SYNE2: variants seen among roughly 807,000 people sequenced by gnomAD.
The protein encoded by SYNE2 is nesprin-2.
SYNE2 carries 431 observed loss-of-function variants against 856.3 expected under a neutral mutation model. The observed-to-expected ratio is 0.50, with a 90% confidence interval of 0.47 to 0.55. SYNE2 has a LOEUF of 0.55. Among genes scored for constraint, SYNE2 ranks in the 20% least tolerant of loss-of-function variants. SYNE2 has a pLI of 0.00. For synonymous variants in SYNE2, 2,923 were observed against 2,872.3 expected (o/e 1.02, Z -0.56); for missense variants, 8,129 against 8,023.2 (o/e 1.01, Z -0.50).
intron 90 of SYNE2, among the ~76,000 whole-genome samples, chr14:64,165,654 A>G (rs2098372512): frequency 6.6e-6 from 1 of 152,130 alleles, no homozygotes; most frequent in Non-Finnish European, 1.5e-5. Flanking sequence ...CTGGGACTAC[A>G]GACATGTGCC....
intron 94 of SYNE2, among the ~76,000 whole-genome samples, chr14:64,174,167 G>A (rs1013353776): frequency 6.6e-6 from 1 of 151,786 alleles, no homozygotes; most frequent in African/African-American, 2.4e-5. Flanking sequence ...TGCCTCCCAG[G>A]TTAAAGTGAT....
chr14:64,095,655 C>T (rs1595483859), intron 61 of SYNE2, among the ~76,000 whole-genome samples: 1 of 152,122 alleles, frequency 6.6e-6, no homozygotes, highest in African/African-American at 2.4e-5. Context: ...CAGCTTACAA[C>T]TCAAACAGTA....
intron 7 of SYNE2, among the ~76,000 whole-genome samples, chr14:63,953,535 GAGAGAGAGAGATAGATAGAT>G (rs1400679953): frequency 3.8e-5 from 1 of 26,420 alleles, no homozygotes; most frequent in East Asian, 1.3e-3. Context: ...GATAGATAGA[GAGAGAGAGAGATAGATAGAT>G]AGATAGATAG....
At chr14:64,014,843 T>A (rs184969153) in intron 32 of SYNE2, among the ~76,000 whole-genome samples, 1 of 150,272 alleles carries the variant, frequency 6.7e-6, no homozygotes, top group Non-Finnish European at 1.5e-5. Flanking sequence ...CTTGTTAAAA[T>A]GGTGGGTTAC....
At chr14:64,164,942 C>T (rs2098364205) in intron 89 of SYNE2, among the ~76,000 whole-genome samples, 1 of 151,948 alleles carries the variant, frequency 6.6e-6, no homozygotes, top group Admixed American at 6.6e-5. Context: ...GGCTGGCGTG[C>T]AGTGGCATAA....
intron 1 of SYNE2, among the ~76,000 whole-genome samples, chr14:63,827,215 T>C (rs1336821253): frequency 6.6e-6 from 1 of 151,034 alleles, no homozygotes; most frequent in Non-Finnish European, 1.5e-5. Flanking sequence ...GAGGCAGAGG[T>C]TGCAGTGAGC....
intron 83 of SYNE2, 128 bp from the exon 84 acceptor site, chr14:64,145,940 A>C (rs1357097079): frequency 1.7e-6 from 1 of 604,914 alleles, no homozygotes; most frequent in African/African-American, 1.9e-5. Context: ...AAGTTATCAG[A>C]GCATCTTATT....
intron 84 of SYNE2, among the ~76,000 whole-genome samples, chr14:64,151,263 A>G: frequency 6.6e-6 from 1 of 151,852 alleles, no homozygotes. Flanking sequence ...GTAATCTGGC[A>G]GTTTTGCGGG....
At chr14:64,142,438 C>T (rs551563453) in intron 82 of SYNE2, among the ~76,000 whole-genome samples, 2 of 152,248 alleles carry the variant, frequency 1.3e-5, no homozygotes, top group East Asian at 3.9e-4. Context: ...ATCCTGTGTA[C>T]ATGCTGCACC....
At position 64,211,886 on chromosome 14, in the gene SYNE2, G is replaced by A. The variant is rs561876458; in HGVS notation, c.18724-75G>A. 232 of 1,607,370 alleles carry A rather than the reference G, an allele frequency of 1.4e-4. 2 individuals carry two copies. In the South Asian group the frequency reaches 2.4e-3, roughly 17 times the overall value. The stretch of plus-strand genomic sequence containing the variant: ...TTCTGGGTACCCTTTTCTTGTGGCC[G>A]AAGGTGGCCTTGCTGTCTGTCTGAA... On this transcript the variant is annotated intron_variant, in intron 103 of 115. Coordinates refer to ENST00000555002, the MANE Select transcript of SYNE2 (RefSeq NM_182914.3).
chr14:64,159,303 G>A lies in SYNE2; in HGVS notation c.15964-9G>A. 1.2e-6 allele frequency: 2 copies of A among 1,613,716 alleles called. No individual in the cohort carries two copies. Among genetic ancestry groups the A allele is most frequent in the South Asian group, 2.2e-5 (2 of 91,076 alleles). On this transcript the variant is annotated splice_polypyrimidine_tract_variant and intron_variant, in intron 86 of 115. Transcript: ENST00000555002. ...TCTGAAACTTAAATTTCTTGTTTGT[G>A]TCTCTTAGTCTCTGCAAGATGAAGC...
At position 64,225,666 on chromosome 14, in the gene SYNE2, G is replaced by A. The variant is rs780787259; in HGVS notation, c.*140G>A. The A allele has an allele frequency of 8.5e-6, 8 of 940,656 alleles. No individual in the cohort carries two copies. Among genetic ancestry groups the A allele is most frequent in the Admixed American group, 6.0e-5 (3 of 49,644 alleles). The allele number at this position is 940,656 out of a possible 1,614,324, so 58.3% of individuals were successfully genotyped here. A position where few individuals can be genotyped will look rare whatever the true frequency, so the allele number is the denominator to read the frequency against. On this transcript the variant is annotated 3_prime_UTR_variant, in exon 116 of 116. Transcript: ENST00000555002. ...GACTTCTTCTGGGCTTACCCAGCAC[G>A]GGCTCCCTGGAGCCCAGGGCAGCTT...
In SYNE2 at chr14:64,098,163, G is replaced by A; in HGVS notation, c.12306+17G>A. On this transcript the variant is annotated intron_variant, in intron 62 of 115. Coordinates refer to ENST00000555002, the MANE Select transcript of SYNE2 (RefSeq NM_182914.3). ...GAGCGGAAGGTGGGTATGACTTTAG[G>A]TTAATGCTGGCCCCACACTCCACAA... 1.9e-6 allele frequency: 3 copies of A among 1,612,926 alleles called. No individual in the cohort carries two copies. The highest frequency in any genetic ancestry group is 2.5e-6 in the Non-Finnish European group (3 of 1,179,544).
rs1285734547 is a variant in SYNE2 at position 63,948,766 on chromosome 14, ATATG to A, written c.409-1053_409-1050del. On this transcript the variant is annotated intron_variant, in intron 6 of 115. Coordinates refer to ENST00000555002, the MANE Select transcript of SYNE2 (RefSeq NM_182914.3). Reference sequence around the variant, plus strand: ...TATGTGTGTGTATATATATGTATATATATGTATGTGTGTGTGTATATATATATAT... The same window carrying A: ...TATGTGTGTGTATATATATGTATATATATGTGTGTGTGTATATATATATAT... 1.4e-4 allele frequency among the ~76,000 whole-genome samples: 8 copies of A among 57,888 alleles called. 1 individual carries two copies. Among genetic ancestry groups the A allele is most frequent in the South Asian group, 7.8e-4 (1 of 1,284 alleles). The allele number at this position is 57,888 out of a possible 152,430, so 38.0% of individuals were successfully genotyped here. A position where few individuals can be genotyped will look rare whatever the true frequency, so the allele number is the denominator to read the frequency against.
intron 29 of SYNE2, 152 bp downstream of exon 29, chr14:64,002,233 T>C: frequency 1.4e-6 from 1 of 721,426 alleles, no homozygotes; most frequent in East Asian, 2.7e-5. Context: ...TTGTTTTTTA[T>C]TTCTTAACTC....
chr14:64,053,631 C>G lies in SYNE2; in HGVS notation c.9718C>G (p.Leu3240Val). 3 of 1,613,382 alleles carry G rather than the reference C, an allele frequency of 1.9e-6. No individual in the cohort carries two copies. Among genetic ancestry groups the G allele is most frequent in the Non-Finnish European group, 2.5e-6 (3 of 1,179,664 alleles). ...TGAGTTTGAAGATCTTCAGATGCAG[C>G]TTAACACAAGCATTGATTTGCGCAC... ...LREFEDLQMQ[L>V]NTSIDLRTNV... The change falls in exon 48 of 116, where the codon CTT becomes GTT. Residue 3240 changes from leucine to valine, a missense_variant. Physicochemically the swap from Leu to Val is conservative, Grantham distance 32 (BLOSUM62 1). Around this residue, in one of 3 missense-constraint regions of SYNE2, gnomAD observed 5,410 missense variants for 5,284.8 expected, o/e 1.02. Transcript: ENST00000555002.
chr14:63,999,152 A>G, intron 27 of SYNE2, 112 bp downstream of exon 27: 1 of 1,063,312 alleles, frequency 9.4e-7, no homozygotes, highest in Non-Finnish European at 1.4e-6. Context: ...AATGTTTCCA[A>G]AGAACTCTCT....
intron 2 of SYNE2, among the ~76,000 whole-genome samples, chr14:63,928,464 T>C (rs2095700693): frequency 6.6e-6 from 1 of 152,358 alleles, no homozygotes; most frequent in Non-Finnish European, 1.5e-5. Flanking sequence ...TTAGTCTTGG[T>C]ACTATTTGTT....
At chr14:63,935,239 A>T (rs138076337) in intron 2 of SYNE2, among the ~76,000 whole-genome samples, 135 of 152,314 alleles carry the variant, frequency 8.9e-4, no homozygotes, top group Non-Finnish European at 1.3e-3. Flanking sequence ...GCTAATCAGA[A>T]CTCAATTTAG....
Sources: gnomAD v4.1 joint callset for allele counts (sites outside exome capture counted in the v4.1 genomes callset) on GRCh38, gnomAD v4.1.1 for gene constraint, gnomAD v4.1.1 regional missense constraint, MANE v1.5 for transcripts, NCBI Gene and HGNC (gene_info 2026-07-23, HGNC 2026-07-21) for gene names.